The following FANK1 variants were observed in gnomAD, a reference collection of about 807,000 sequenced individuals.
FANK1 encodes the protein fibronectin type 3 and ankyrin repeat domains protein 1.
In FANK1, 44 loss-of-function variants were observed where a neutral mutation model predicts 45.3. That is an observed-to-expected ratio of 0.97 (90% CI 0.76 to 1.25). The LOEUF is 1.25. Ranked by LOEUF, FANK1 falls within the 50% of genes most tolerant of loss-of-function variation. The pLI is 0.00. For synonymous variants in FANK1, 149 were observed against 152.5 expected, an observed-to-expected ratio of 0.98 and a Z score of 0.17; for missense variants, 391 against 424.4, an observed-to-expected ratio of 0.92 and a Z score of 0.69.
intron 6 of FANK1, among the ~76,000 whole-genome samples, chr10:125,999,121 A>C (rs1032512470): frequency 2.6e-5 from 4 of 152,166 alleles, no homozygotes; most frequent in African/African-American, 9.7e-5. Flanking sequence ...CCATCAGTCG[A>C]TTAAAGGTGA....
intron 1 of FANK1, among the ~76,000 whole-genome samples, chr10:125,942,053 G>T (rs1404535294): frequency 1.3e-5 from 2 of 152,118 alleles, no homozygotes; most frequent in African/African-American, 4.8e-5. Flanking sequence ...TAGGGATGGG[G>T]TCCACACACC....
intron 3 of FANK1, chr10:125,988,890 G>A: frequency 1.4e-6 from 1 of 730,948 alleles, no homozygotes; most frequent in Non-Finnish European, 2.3e-6. Flanking sequence ...AGCTATTTTT[G>A]TGCCAGAACT....
intron 1 of FANK1, among the ~76,000 whole-genome samples, chr10:125,900,652 GTTTGTTT>G (rs1489423383): frequency 8.6e-5 from 13 of 150,556 alleles, no homozygotes; most frequent in South Asian, 2.1e-4. Flanking sequence ...TTTGTTTGTT[GTTTGTTT>G]TTTGTTTTTT....
intron 1 of FANK1, among the ~76,000 whole-genome samples, chr10:125,897,851 T>C (rs1589738161): frequency 6.6e-6 from 1 of 151,578 alleles, no homozygotes; most frequent in African/African-American, 2.4e-5. Context: ...TGAGTTGAAA[T>C]ATACCTTTTA....
At chr10:125,959,658 G>A (rs1245510847) in intron 1 of FANK1, among the ~76,000 whole-genome samples, 1 of 152,096 alleles carries the variant, frequency 6.6e-6, no homozygotes, top group Non-Finnish European at 1.5e-5. Flanking sequence ...CAGTTAATTA[G>A]TAAAACCTAC....
intron 1 of FANK1, among the ~76,000 whole-genome samples, chr10:125,913,403 G>C (rs1357619130): frequency 6.6e-6 from 1 of 152,158 alleles, no homozygotes. Context: ...GGAGGAAGGA[G>C]GGCGTGTTTA....
chr10:125,989,306 A>C, intron 3 of FANK1: 1 of 1,550,790 alleles, frequency 6.4e-7, no homozygotes, highest in Non-Finnish European at 8.7e-7. Flanking sequence ...GAGCCTTGTA[A>C]AAATTAGGAT....
Position 126,008,565 on chromosome 10 carries a change from C to A in FANK1, c.849+15C>A. On this transcript the variant is annotated intron_variant, in intron 8 of 10. Transcript: ENST00000368693. ...CGCCCCTTATGGTAGGTCCTCCTCC[C>A]GAAAATAGGCAGTTTTCTACGTGGA... 1 of 1,588,758 alleles carries A rather than the reference C, an allele frequency of 6.3e-7. No homozygotes were observed. The highest frequency in any genetic ancestry group is 8.5e-7 in the Non-Finnish European group (1 of 1,171,256).
intron 1 of FANK1, among the ~76,000 whole-genome samples, chr10:125,898,340 C>T (rs1944750346): frequency 6.6e-6 from 1 of 152,038 alleles, no homozygotes; most frequent in Non-Finnish European, 1.5e-5. Flanking sequence ...GAGGATTGAA[C>T]AACGGATCGG....
chr10:125,914,280 C>CATATATATATATACAT (rs572373307), intron 1 of FANK1, among the ~76,000 whole-genome samples: 1 of 140,298 alleles, frequency 7.1e-6, no homozygotes, highest in Non-Finnish European at 1.5e-5. Context: ...CTTTGTATGC[C>CATATATATATATACAT]ATATATATAT....
intron 1 of FANK1, among the ~76,000 whole-genome samples, chr10:125,942,966 A>G (rs1308296932): frequency 6.6e-6 from 1 of 151,958 alleles, no homozygotes; most frequent in Non-Finnish European, 1.5e-5. Context: ...AGCGTGTGCC[A>G]CCACACCGGG....
chr10:125,991,536 A>G (rs910553510), intron 3 of FANK1, among the ~76,000 whole-genome samples: 12 of 152,190 alleles, frequency 7.9e-5, no homozygotes, highest in African/African-American at 2.9e-4. Flanking sequence ...GAAGGTGCAC[A>G]TGATACAAAA....
chr10:125,974,808 A>T (rs1424598829), intron 1 of FANK1: 1 of 152,056 alleles, frequency 6.6e-6, no homozygotes, highest in Non-Finnish European at 1.5e-5. Flanking sequence ...ACTGCTGAAA[A>T]CTGTAGTAAT....
At chr10:125,900,034 G>A (rs573700583) in intron 1 of FANK1, among the ~76,000 whole-genome samples, 52 of 152,398 alleles carry the variant, frequency 3.4e-4, no homozygotes, top group Middle Eastern at 3.4e-3. Flanking sequence ...TGTTAACTAA[G>A]TCATTAAAAT....
intron 1 of FANK1, among the ~76,000 whole-genome samples, chr10:125,906,850 C>T (rs939880812): frequency 1.3e-5 from 2 of 152,152 alleles, no homozygotes; most frequent in African/African-American, 4.8e-5. Flanking sequence ...TTCTTGATTA[C>T]ATCTTCAATT....
At chr10:125,918,353 C>T (rs78303882) in intron 1 of FANK1, among the ~76,000 whole-genome samples, 111 of 115,350 alleles carry the variant, frequency 9.6e-4, no homozygotes, top group Admixed American at 2.7e-3. Flanking sequence ...GTCAAGAGAT[C>T]AAGACCATCC....
intron 2 of FANK1, among the ~76,000 whole-genome samples, chr10:125,982,248 C>T (rs1951268708): frequency 6.6e-6 from 1 of 152,218 alleles, no homozygotes; most frequent in African/African-American, 2.4e-5. Context: ...CTTGGCTGTG[C>T]CTTTGCTGGG....
chr10:125,991,656 T>C (rs1388105293), intron 3 of FANK1, among the ~76,000 whole-genome samples: 2 of 152,062 alleles, frequency 1.3e-5, no homozygotes, highest in Non-Finnish European at 2.9e-5. Flanking sequence ...TCCCCCCAGG[T>C]AAAGTACACA....
At chr10:125,899,177 C>T (rs543491240) in intron 1 of FANK1, among the ~76,000 whole-genome samples, 1 of 152,376 alleles carries the variant, frequency 6.6e-6, no homozygotes, top group South Asian at 2.1e-4. Context: ...TCTCCTGCCT[C>T]AGCCTCCCAA....
Sources: allele counts gnomAD v4.1 joint callset (sites outside exome capture counted in the v4.1 genomes callset), GRCh38; gene constraint gnomAD v4.1.1; transcripts MANE v1.5; gene names NCBI Gene and HGNC (gene_info 2026-07-23, HGNC 2026-07-21).